PVT1: variants seen among roughly 807,000 people sequenced by gnomAD.
The protein encoded by PVT1 is Pvt1 oncogene.
At chr8:127,802,497 T>C (rs1814476101) in intron 2 of PVT1, among the ~76,000 whole-genome samples, 1 of 152,252 alleles carries the variant, frequency 6.6e-6, no homozygotes, top group Non-Finnish European at 1.5e-5. Context: ...GTTACAGGCG[T>C]GAGCCACTGC....
chr8:128,055,980 G>A (rs980076967), intron 4 of PVT1, among the ~76,000 whole-genome samples: 7 of 152,178 alleles, frequency 4.6e-5, no homozygotes, highest in African/African-American at 1.7e-4. Flanking sequence ...AGAAATGGGA[G>A]GACTCATATC....
intron 2 of PVT1, among the ~76,000 whole-genome samples, chr8:127,826,245 G>A (rs1326315188): frequency 1.3e-5 from 2 of 151,636 alleles, no homozygotes; most frequent in Middle Eastern, 3.4e-3. Flanking sequence ...TGTAAAATGG[G>A]AATAATAATA....
chr8:127,812,108 C>G (rs1586389574), intron 2 of PVT1, among the ~76,000 whole-genome samples: 2 of 95,834 alleles, frequency 2.1e-5, no homozygotes, highest in South Asian at 7.2e-4. Context: ...GACATCGTCT[C>G]AAAAGAAAAG....
chr8:127,979,768 G>A (rs987929964), intron 3 of PVT1, among the ~76,000 whole-genome samples: 1 of 152,188 alleles, frequency 6.6e-6, no homozygotes, highest in African/African-American at 2.4e-5. Context: ...GATTGTATTC[G>A]GCCAAGGCAG....
At chr8:127,882,569 C>T (rs770542978) in intron 2 of PVT1, among the ~76,000 whole-genome samples, 8 of 152,064 alleles carry the variant, frequency 5.3e-5, no homozygotes, top group African/African-American at 9.7e-5. Context: ...CTGCAACCTC[C>T]GCCTCCCAGG....
intron 3 of PVT1, among the ~76,000 whole-genome samples, chr8:127,963,241 C>T (rs1033488187): frequency 7.9e-5 from 12 of 152,214 alleles, no homozygotes; most frequent in East Asian, 1.9e-4. Flanking sequence ...GTCCTAGGCT[C>T]GCATCGGCCA....
chr8:127,949,903 G>A (rs1816484851), intron 3 of PVT1, among the ~76,000 whole-genome samples: 2 of 152,234 alleles, frequency 1.3e-5, no homozygotes. Flanking sequence ...CCTGCCCAGC[G>A]GCTGGATTCT....
intron 3 of PVT1, among the ~76,000 whole-genome samples, chr8:127,920,670 C>T (rs917698465): frequency 6.6e-5 from 10 of 152,034 alleles, no homozygotes; most frequent in South Asian, 6.2e-4. Flanking sequence ...TAATTAAGTA[C>T]GACATAAACT....
intron 4 of PVT1, among the ~76,000 whole-genome samples, chr8:128,017,399 TG>T (rs1365105452): frequency 6.6e-6 from 1 of 152,196 alleles, no homozygotes; most frequent in Non-Finnish European, 1.5e-5. Flanking sequence ...ATGAAGAATG[TG>T]TTGTCTACAC....
At chr8:127,873,713 A>T (rs529782913) in intron 2 of PVT1, among the ~76,000 whole-genome samples, 1 of 152,320 alleles carries the variant, frequency 6.6e-6, no homozygotes, top group African/African-American at 2.4e-5. Context: ...TGTGCTATGG[A>T]GATTTCAGAG....
intron 4 of PVT1, among the ~76,000 whole-genome samples, chr8:127,993,635 A>G (rs781238192): frequency 6.0e-4 from 92 of 152,272 alleles, no homozygotes; most frequent in Middle Eastern, 3.4e-3. Flanking sequence ...AGCACATAGG[A>G]CATGCTTGGA....
intron 4 of PVT1, among the ~76,000 whole-genome samples, chr8:128,021,290 C>CTTTTTTTTTTTTTTTTTTTTTTTTTT (rs11438511): frequency 1.2e-5 from 1 of 81,138 alleles, no homozygotes; most frequent in African/African-American, 4.8e-5. Flanking sequence ...AGGACTTGTG[C>CTTTTTTTTTTTTTTTTTTTTTTTTTT]TTTTTTTTTT....
At chr8:128,095,278 G>A (rs1366362618) in intron 5 of PVT1, among the ~76,000 whole-genome samples, 1 of 152,152 alleles carries the variant, frequency 6.6e-6, no homozygotes, top group East Asian at 1.9e-4. Context: ...AAGTGGGGGT[G>A]ATGCTTTTTC....
In PVT1 at chr8:128,032,226, C is replaced by T. The variant is rs546148632; in HGVS notation, n.913-37934C>T. 5.2e-4 allele frequency among the ~76,000 whole-genome samples: 79 copies of T among 152,170 alleles called. 2 individuals are homozygous for T. The South Asian group carries it at 0.014, about 27-fold the overall frequency. On this transcript the variant is annotated intron_variant and non_coding_transcript_variant, in intron 4 of 10. Transcript: ENST00000651587. ...GAGGAGGAGGACATGGGTGTAGAAA[C>T]GGTCGCAGCCCACACTGCTGTGCCT...
chr8:128,004,876 C>T (rs570120468), intron 4 of PVT1, among the ~76,000 whole-genome samples: 1 of 152,180 alleles, frequency 6.6e-6, no homozygotes, highest in Non-Finnish European at 1.5e-5. Context: ...CACAGTGGCT[C>T]ACGCCTGTAA....
chr8:127,912,452 G>A (rs1021485460), intron 3 of PVT1, among the ~76,000 whole-genome samples: 1 of 152,196 alleles, frequency 6.6e-6, no homozygotes, highest in African/African-American at 2.4e-5. Flanking sequence ...TTGGAACCCA[G>A]GGAGAGAGCA....
chr8:127,998,983 C>T (rs1285585297), intron 4 of PVT1: 1 of 152,152 alleles, frequency 6.6e-6, no homozygotes, highest in Non-Finnish European at 1.5e-5. Flanking sequence ...GATCCCCTGT[C>T]ATTTTACTGG....
At chr8:127,841,049 G>A (rs1814967762) in intron 2 of PVT1, among the ~76,000 whole-genome samples, 1 of 152,192 alleles carries the variant, frequency 6.6e-6, no homozygotes, top group East Asian at 1.9e-4. Flanking sequence ...TCCGGGAATC[G>A]ATGGTTTGGG....
At chr8:127,819,446 G>A (rs975025543) in intron 2 of PVT1, among the ~76,000 whole-genome samples, 5 of 152,106 alleles carry the variant, frequency 3.3e-5, no homozygotes, top group African/African-American at 4.8e-5. Flanking sequence ...GTAATTTCTC[G>A]TTGTACAAAC....
Sources: allele counts gnomAD v4.1 joint callset (sites outside exome capture counted in the v4.1 genomes callset), GRCh38; gene constraint gnomAD v4.1.1; transcripts MANE v1.5; gene names NCBI Gene and HGNC (gene_info 2026-07-23, HGNC 2026-07-21).